Variants in RARB observed in about 807,000 individuals in gnomAD.
The protein encoded by RARB is HBV-activated protein.
Under a neutral mutation model 51.9 loss-of-function variants are expected in RARB, and 17 were observed. That is an observed-to-expected ratio of 0.33 (90% CI 0.22 to 0.49). The LOEUF (loss-of-function observed/expected upper bound fraction) is 0.49, where lower values mean the gene tolerates loss of function less well. RARB is among the 20% of genes least tolerant of loss of function. The pLI, the probability that RARB is intolerant of heterozygous loss-of-function variation, is 0.99. For missense variants in RARB, 369 were observed against 550.8 expected, an observed-to-expected ratio of 0.67 and a Z score of 3.30; for synonymous variants, 215 against 195.4, an observed-to-expected ratio of 1.10 and a Z score of -0.84.
At chr3:25,416,341 A>G (rs1195940455) in intron 5 of RARB, among the ~76,000 whole-genome samples, 2 of 152,208 alleles carry the variant, frequency 1.3e-5, no homozygotes, top group Non-Finnish European at 2.9e-5. Context: ...GAGAGCCAAG[A>G]TTGCACCACT....
rs756213540 is a variant in RARB, at chr3:25,596,643, C to T, written c.*27C>T. ...ACATTTTCTAGCTACTTCAAACATT[C>T]CCCAGTACCTTCAGTTCCAGGATTT... On this transcript the variant is annotated 3_prime_UTR_variant, in exon 8 of 8. Transcript: ENST00000330688. The T allele has an allele frequency of 6.6e-7, 1 of 1,512,976 alleles. No homozygotes were observed. The highest frequency in any genetic ancestry group is 9.1e-7 in the Non-Finnish European group (1 of 1,102,328). The allele number at this position is 1,512,976 out of a possible 1,614,324, so 93.7% of individuals were successfully genotyped here.
At chr3:24,875,888 A>G (rs1030479117) in intron 2 of RARB, among the ~76,000 whole-genome samples, 8 of 152,172 alleles carry the variant, frequency 5.3e-5, no homozygotes, top group African/African-American at 1.9e-4. Flanking sequence ...TCATCTTCAC[A>G]ATTCTTTATT....
chr3:24,964,110 G>A (rs1259449818), intron 2 of RARB, among the ~76,000 whole-genome samples: 2 of 151,920 alleles, frequency 1.3e-5, no homozygotes, highest in Non-Finnish European at 2.9e-5. Flanking sequence ...AGTTTTTACT[G>A]AACTACAAAA....
chr3:25,024,307 TTGACTG>T (rs1490754918), intron 2 of RARB, among the ~76,000 whole-genome samples: 1 of 152,228 alleles, frequency 6.6e-6, no homozygotes, highest in Non-Finnish European at 1.5e-5. Flanking sequence ...CCATTATTTA[TTGACTG>T]TTAGTTAATA....
chr3:25,508,485 C>T lies in RARB; in HGVS notation c.448+7162C>T, dbSNP rs549066623. 4.6e-5 allele frequency among the ~76,000 whole-genome samples: 7 copies of T among 152,272 alleles called. No individual in the cohort carries two copies. The South Asian group carries it at 8.3e-4, about 18-fold the overall frequency. On this transcript the variant is annotated intron_variant, in intron 3 of 7. Transcript: ENST00000330688. ...CTTGTGCACAAATTATATTGATGTG[C>T]TCATTGGTTCTACTGCTGGATTTTA...
chr3:25,295,788 A>G (rs1262090560), intron 5 of RARB, among the ~76,000 whole-genome samples: 2 of 152,192 alleles, frequency 1.3e-5, no homozygotes, highest in African/African-American at 2.4e-5. Flanking sequence ...TAGATAATGA[A>G]TACCAATCTA....
intron 3 of RARB, among the ~76,000 whole-genome samples, chr3:25,512,899 G>T (rs1018884379): frequency 6.6e-6 from 1 of 152,128 alleles, no homozygotes; most frequent in Non-Finnish European, 1.5e-5. Context: ...CTGGCTGGGG[G>T]TGCTTCAAGA....
At chr3:25,210,553 T>TTTTTTTTTTTTTTTATTTTTTTTTGA (rs869216441) in intron 5 of RARB, among the ~76,000 whole-genome samples, 1 of 82,498 alleles carries the variant, frequency 1.2e-5, no homozygotes, top group Non-Finnish European at 2.4e-5. Flanking sequence ...TTTTTTTTTT[T>TTTTTTTTTTTTTTTATTTTTTTTTGA]GAGATTGAGT....
At chr3:25,367,415 T>C (rs1706155328) in intron 5 of RARB, among the ~76,000 whole-genome samples, 1 of 152,136 alleles carries the variant, frequency 6.6e-6, no homozygotes, top group Non-Finnish European at 1.5e-5. Context: ...AAAGATGGTA[T>C]GTCTGCTTTT....
chr3:24,829,416 G>A (rs1288150188), intron 1 of RARB, among the ~76,000 whole-genome samples: 5 of 152,170 alleles, frequency 3.3e-5, no homozygotes, highest in Admixed American at 3.3e-4. Flanking sequence ...AAAGCCAGGA[G>A]AGCGCGCTGG....
chr3:24,994,593 C>T (rs1696982650), intron 2 of RARB, among the ~76,000 whole-genome samples: 1 of 151,970 alleles, frequency 6.6e-6, no homozygotes, highest in Admixed American at 6.6e-5. Flanking sequence ...TGAAGTGTTT[C>T]CCCTATTTTT....
intron 4 of RARB, among the ~76,000 whole-genome samples, chr3:25,153,653 T>A (rs943395829): frequency 6.6e-6 from 1 of 152,202 alleles, no homozygotes; most frequent in East Asian, 1.9e-4. Context: ...TAGTTAAGAA[T>A]GCTGTTTTTC....
intron 4 of RARB, among the ~76,000 whole-genome samples, chr3:25,156,326 T>C (rs1700373100): frequency 6.6e-6 from 1 of 152,140 alleles, no homozygotes. Context: ...TATGCCAATG[T>C]GCTAATAGTT....
intron 2 of RARB, among the ~76,000 whole-genome samples, chr3:25,051,390 A>C (rs1698329213): frequency 6.6e-6 from 1 of 152,202 alleles, no homozygotes; most frequent in Admixed American, 6.5e-5. Flanking sequence ...GAAGCTTCTA[A>C]GTACTTTCAA....
chr3:24,878,201 A>T (rs1209937194), intron 2 of RARB, among the ~76,000 whole-genome samples: 12 of 103,444 alleles, frequency 1.2e-4, no homozygotes, highest in African/African-American at 5.0e-4. Flanking sequence ...ATATTAATAT[A>T]GCCAAACCAT....
At chr3:24,985,313 C>T (rs1696764208) in intron 2 of RARB, among the ~76,000 whole-genome samples, 1 of 151,950 alleles carries the variant, frequency 6.6e-6, no homozygotes, top group Non-Finnish European at 1.5e-5. Context: ...TACACTGCTT[C>T]CATCACTGCC....
chr3:25,527,820 GAAAAC>G (rs995692100), intron 3 of RARB, among the ~76,000 whole-genome samples: 161 of 152,194 alleles, frequency 1.1e-3, no homozygotes, highest in African/African-American at 3.5e-3. Context: ...GGATTTAAGA[GAAAAC>G]AAAACAACTC....
At chr3:25,300,507 C>T (rs1344888016) in intron 5 of RARB, among the ~76,000 whole-genome samples, 6 of 152,204 alleles carry the variant, frequency 3.9e-5, no homozygotes, top group Admixed American at 2.6e-4. Context: ...CAGGGTCTCA[C>T]AGTACAAACA....
chr3:25,332,735 T>A (rs1348093550), intron 5 of RARB, among the ~76,000 whole-genome samples: 6 of 152,164 alleles, frequency 3.9e-5, no homozygotes, highest in Admixed American at 3.9e-4. Flanking sequence ...GAAGTCAAAT[T>A]GTCCCTGTTT....
Sources: allele counts gnomAD v4.1 joint callset (sites outside exome capture counted in the v4.1 genomes callset), GRCh38; gene constraint gnomAD v4.1.1; transcripts MANE v1.5; gene names NCBI Gene and HGNC (gene_info 2026-07-23, HGNC 2026-07-21).